The following GNG7 variants were observed in gnomAD, a reference collection of about 807,000 sequenced individuals.
GNG7 encodes the protein guanine nucleotide-binding protein G(I)/G(S)/G(O) subunit gamma-7.
In GNG7, 1 loss-of-function variant was observed where a neutral mutation model predicts 4.0. The ratio of observed to expected loss-of-function variants is 0.25; its 90% CI spans 0.09 to 1.18. GNG7 has a LOEUF of 1.18. Ranked by LOEUF, GNG7 falls within the 50% of genes most tolerant of loss-of-function variation. GNG7 has a pLI of 0.50. For missense variants in GNG7, 86 were observed against 91.9 expected, an observed-to-expected ratio of 0.94 and a Z score of 0.26; for synonymous variants, 34 against 36.9, an observed-to-expected ratio of 0.92 and a Z score of 0.29.
intron 1 of GNG7, among the ~76,000 whole-genome samples, chr19:2,681,246 C>T (rs543177216): frequency 8.1e-4 from 123 of 151,800 alleles, no homozygotes; most frequent in Non-Finnish European, 1.2e-3. Context: ...TGCAGTGGCA[C>T]GATCTCGGCT....
intron 2 of GNG7, among the ~76,000 whole-genome samples, chr19:2,588,280 G>T (rs971976678): frequency 6.6e-6 from 1 of 152,186 alleles, no homozygotes; most frequent in Non-Finnish European, 1.5e-5. Flanking sequence ...CACTGGGAGA[G>T]TCCGGCTGAA....
At chr19:2,522,276 G>A (rs951523681) in intron 3 of GNG7, among the ~76,000 whole-genome samples, 4 of 152,120 alleles carry the variant, frequency 2.6e-5, no homozygotes, top group Non-Finnish European at 5.9e-5. Flanking sequence ...GGGGGTTGGT[G>A]CTGATGGGGG....
chr19:2,532,575 C>G (rs1017983787), intron 3 of GNG7, among the ~76,000 whole-genome samples: 1 of 152,048 alleles, frequency 6.6e-6, no homozygotes, highest in Admixed American at 6.6e-5. Context: ...AGATAATGAC[C>G]AATAACTTTC....
At chr19:2,520,855 G>T (rs142838913) in intron 3 of GNG7, 130 bp from the exon 4 acceptor site, 3 of 582,096 alleles carry the variant, frequency 5.2e-6, no homozygotes, top group African/African-American at 3.7e-5. Flanking sequence ...GGGGACCAGG[G>T]GCCTCCGTGT....
At chr19:2,529,787 T>C (rs1978526373) in intron 3 of GNG7, among the ~76,000 whole-genome samples, 1 of 152,136 alleles carries the variant, frequency 6.6e-6, no homozygotes, top group African/African-American at 2.4e-5. Context: ...CCAGGGATCT[T>C]GTTCAAGGGA....
chr19:2,594,447 G>GAAGGA (rs113980932), intron 2 of GNG7, among the ~76,000 whole-genome samples: 11,587 of 127,072 alleles, frequency 0.091, 564 homozygotes, highest in Middle Eastern at 0.12. Context: ...AGGAAGGAAG[G>GAAGGA]AGGAAGAAAG....
At chr19:2,515,699 T>G (rs1972725363) in intron 4 of GNG7, among the ~76,000 whole-genome samples, 1 of 151,964 alleles carries the variant, frequency 6.6e-6, no homozygotes, top group Non-Finnish European at 1.5e-5. Context: ...GTGCTGGGAT[T>G]ACAGGTGTGA....
intron 2 of GNG7, among the ~76,000 whole-genome samples, chr19:2,560,578 G>A (rs915240025): frequency 5.9e-5 from 9 of 152,090 alleles, no homozygotes; most frequent in South Asian, 2.1e-4. Context: ...TGGGGTAGGC[G>A]GACGCTGCGG....
intron 1 of GNG7, among the ~76,000 whole-genome samples, chr19:2,679,471 A>G (rs1346808560): frequency 2.0e-5 from 3 of 152,138 alleles, no homozygotes; most frequent in East Asian, 1.9e-4. Flanking sequence ...AATCTTTTCA[A>G]TGACCCTAGG....
intron 1 of GNG7, among the ~76,000 whole-genome samples, chr19:2,687,653 A>G (rs57549656): frequency 0.2 from 29,654 of 151,990 alleles, 3,877 homozygotes; most frequent in East Asian, 0.58. Flanking sequence ...CTGGCATGAC[A>G]GGAGTAAGCC....
Position 2,513,149 on chromosome 19 carries a change from C to T in GNG7, c.*1873G>A, listed in dbSNP as rs1053321838. The T allele has an allele frequency of 3.0e-6, 3 of 984,542 alleles. No homozygotes were observed. The African/African-American group carries it at 5.2e-5, about 17-fold the overall frequency. The allele number at this position is 984,542 out of a possible 1,614,324, so 61.0% of individuals were successfully genotyped here. On this transcript the variant is annotated 3_prime_UTR_variant, in exon 5 of 5. Coordinates refer to ENST00000382159, the MANE Select transcript of GNG7 (RefSeq NM_052847.3). ...CCGACACCTGCACACACACCCGGAG[C>T]CCTCTAGCCTTGGCGAGGTGGGAAC...
At chr19:2,595,500 G>A (rs541513838) in intron 2 of GNG7, among the ~76,000 whole-genome samples, 7 of 152,106 alleles carry the variant, frequency 4.6e-5, no homozygotes, top group East Asian at 2.0e-4. Context: ...TTGGGAGGCC[G>A]AGGCGGGTGG....
chr19:2,668,215 T>C (rs1401656702), intron 1 of GNG7, among the ~76,000 whole-genome samples: 1 of 130,970 alleles, frequency 7.6e-6, no homozygotes, highest in Non-Finnish European at 1.6e-5. Flanking sequence ...AAATGAAAAG[T>C]TTATCAAAAA....
At chr19:2,608,940 T>C (rs1333841462) in intron 2 of GNG7, among the ~76,000 whole-genome samples, 2 of 152,190 alleles carry the variant, frequency 1.3e-5, no homozygotes, top group African/African-American at 4.8e-5. Flanking sequence ...CATTTTAAAG[T>C]GAACAATTCA....
At chr19:2,621,524 C>CGTTGG (rs1276491851) in intron 2 of GNG7, among the ~76,000 whole-genome samples, 2 of 151,838 alleles carry the variant, frequency 1.3e-5, no homozygotes. Context: ...ATGGACAAAC[C>CGTTGG]TCATCTCTAC....
intron 3 of GNG7, among the ~76,000 whole-genome samples, chr19:2,550,351 G>A (rs8108575): frequency 0.15 from 22,811 of 152,116 alleles, 2,116 homozygotes; most frequent in African/African-American, 0.27. Flanking sequence ...CTGAGTAGCT[G>A]GTAGCTGGGA....
intron 2 of GNG7, among the ~76,000 whole-genome samples, chr19:2,581,152 G>A (rs1171613083): frequency 2.0e-5 from 3 of 152,082 alleles, no homozygotes; most frequent in Non-Finnish European, 4.4e-5. Flanking sequence ...CATGAACGCT[G>A]TGGGAAAATG....
intron 2 of GNG7, among the ~76,000 whole-genome samples, chr19:2,615,048 T>C (rs1284450960): frequency 6.6e-6 from 1 of 152,190 alleles, no homozygotes; most frequent in East Asian, 1.9e-4. Flanking sequence ...GCCCAAGCCC[T>C]CCTTCCCTGG....
chr19:2,554,559 A>ATAT (rs1196558078), intron 3 of GNG7, among the ~76,000 whole-genome samples: 34 of 130,114 alleles, frequency 2.6e-4, no homozygotes, highest in African/African-American at 7.3e-4. Context: ...ATATATATAT[A>ATAT]TTTTTTTTTT....
Sources: gnomAD v4.1 joint callset for allele counts (sites outside exome capture counted in the v4.1 genomes callset) on GRCh38, gnomAD v4.1.1 for gene constraint, MANE v1.5 for transcripts, NCBI Gene and HGNC (gene_info 2026-07-23, HGNC 2026-07-21) for gene names.